PIGK: variants seen among roughly 807,000 people sequenced by gnomAD.
PIGK encodes phosphatidylinositol glycan anchor biosynthesis class K.
PIGK carries 42 observed loss-of-function variants against 50.6 expected under a neutral mutation model. The ratio of observed to expected loss-of-function variants is 0.83; its 90% CI spans 0.65 to 1.07. The LOEUF (loss-of-function observed/expected upper bound fraction) is 1.07. PIGK is among the 50% of genes least tolerant of loss of function. The pLI, the probability that PIGK is intolerant of heterozygous loss-of-function variation, is 0.00. For synonymous variants in PIGK, 151 were observed against 156.0 expected (o/e 0.97, Z 0.24); for missense variants, 448 against 488.7 (o/e 0.92, Z 0.78).
intron 3 of PIGK, among the ~76,000 whole-genome samples, chr1:77,185,537 C>T (rs1054184401): frequency 6.6e-6 from 1 of 152,194 alleles, no homozygotes; most frequent in African/African-American, 2.4e-5. Flanking sequence ...TTGGCCCCTC[C>T]TACCACCAAG....
At chr1:77,201,935 G>C (rs1168981676) in intron 3 of PIGK, among the ~76,000 whole-genome samples, 2 of 151,874 alleles carry the variant, frequency 1.3e-5, no homozygotes, top group East Asian at 3.9e-4. Flanking sequence ...GTGCGCACCT[G>C]TAGTTCCAGC....
intron 9 of PIGK, among the ~76,000 whole-genome samples, chr1:77,134,195 C>T (rs1012550954): frequency 6.6e-6 from 1 of 152,162 alleles, no homozygotes; most frequent in African/African-American, 2.4e-5. Flanking sequence ...AGCAAGTGTA[C>T]CCAAGAGAAA....
chr1:77,219,194 C>A (rs180777746), intron 1 of PIGK, 116 bp downstream of exon 1: 3 of 780,498 alleles, frequency 3.8e-6, no homozygotes, highest in East Asian at 5.4e-5. Flanking sequence ...TCAAACCCAG[C>A]CTGGGTCAGG....
At chr1:77,197,587 A>G (rs1656064977) in intron 3 of PIGK, among the ~76,000 whole-genome samples, 1 of 152,190 alleles carries the variant, frequency 6.6e-6, no homozygotes. Context: ...CTCGTCACAT[A>G]TATGCTTTGT....
chr1:77,193,129 G>A (rs888083655), intron 3 of PIGK, among the ~76,000 whole-genome samples: 3 of 152,044 alleles, frequency 2.0e-5, no homozygotes, highest in Admixed American at 1.3e-4. Context: ...TCCTCCAAAG[G>A]AAGCAAATTC....
intron 3 of PIGK, among the ~76,000 whole-genome samples, chr1:77,172,481 T>C (rs1449081745): frequency 6.6e-6 from 1 of 152,200 alleles, no homozygotes. Context: ...ATTAGTGAAT[T>C]GACAGCAACT....
intron 9 of PIGK, among the ~76,000 whole-genome samples, chr1:77,149,032 C>G (rs920048968): frequency 3.3e-5 from 5 of 152,032 alleles, no homozygotes; most frequent in Admixed American, 2.6e-4. Flanking sequence ...TTTTAAATAA[C>G]TTATTAGAAC....
In PIGK at chr1:77,210,434, AC is replaced by A; in HGVS notation, c.147+1del. The A allele has an allele frequency of 6.3e-7, 1 of 1,583,650 alleles. No individual in the cohort carries two copies. The highest frequency in any genetic ancestry group is 8.6e-7 in the Non-Finnish European group (1 of 1,158,592). Reference sequence around the variant, plus strand: ...CAAGGTATACTTTTACAGTATACTTACCAGAACAGCCCAGTTGTTTGTATGG... The same window carrying A: ...CAAGGTATACTTTTACAGTATACTTACAGAACAGCCCAGTTGTTTGTATGG... On this transcript the variant is annotated splice_donor_variant, in intron 2 of 10. Transcript: ENST00000370812. LOFTEE classifies it high-confidence loss of function.
At chr1:77,093,035 C>G (rs1371380540) in intron 10 of PIGK, among the ~76,000 whole-genome samples, 1 of 151,896 alleles carries the variant, frequency 6.6e-6, no homozygotes, top group African/African-American at 2.4e-5. Context: ...ATGTTTTTCC[C>G]TTGAGGTAGA....
chr1:77,210,287 G>T (rs1656386354), intron 2 of PIGK, 149 bp downstream of exon 2: 1 of 491,882 alleles, frequency 2.0e-6, no homozygotes, highest in Non-Finnish European at 3.6e-6. Flanking sequence ...AGTTGATGTG[G>T]TCAATTTAAA....
At chr1:77,215,096 G>A (rs939932631) in intron 1 of PIGK, among the ~76,000 whole-genome samples, 3 of 152,206 alleles carry the variant, frequency 2.0e-5, no homozygotes, top group African/African-American at 7.2e-5. Flanking sequence ...ACAGTTCAAT[G>A]CAATCTCTAT....
intron 9 of PIGK, among the ~76,000 whole-genome samples, chr1:77,134,954 A>G (rs1217784442): frequency 6.6e-6 from 1 of 152,138 alleles, no homozygotes; most frequent in Non-Finnish European, 1.5e-5. Context: ...ACTCATGATT[A>G]TAACTATTAC....
At chr1:77,095,846 A>G (rs1209293979) in intron 10 of PIGK, among the ~76,000 whole-genome samples, 1 of 152,120 alleles carries the variant, frequency 6.6e-6, no homozygotes, top group Non-Finnish European at 1.5e-5. Flanking sequence ...CCTCAGATAC[A>G]GATTTGAGAA....
chr1:77,147,501 A>G (rs1654798085), intron 9 of PIGK, among the ~76,000 whole-genome samples: 2 of 152,226 alleles, frequency 1.3e-5, no homozygotes, highest in Non-Finnish European at 2.9e-5. Flanking sequence ...GTAATTCTAT[A>G]GAATTTAGAC....
chr1:77,123,474 T>C (rs554471539), intron 9 of PIGK, among the ~76,000 whole-genome samples: 11 of 152,164 alleles, frequency 7.2e-5, no homozygotes, highest in African/African-American at 2.6e-4. Context: ...ACCTCTTATC[T>C]AGGTAAAAGT....
chr1:77,187,935 T>G (rs1170223113), intron 3 of PIGK, among the ~76,000 whole-genome samples: 1 of 152,220 alleles, frequency 6.6e-6, no homozygotes, highest in African/African-American at 2.4e-5. Flanking sequence ...AAACATAAAT[T>G]GTAAAGATTT....
At chr1:77,135,207 A>G (rs1422203612) in intron 9 of PIGK, among the ~76,000 whole-genome samples, 1 of 152,132 alleles carries the variant, frequency 6.6e-6, no homozygotes. Context: ...GAAATATTCC[A>G]TTATAATGAT....
intron 3 of PIGK, among the ~76,000 whole-genome samples, chr1:77,176,311 G>A (rs565560672): frequency 7.9e-5 from 12 of 152,106 alleles, no homozygotes; most frequent in African/African-American, 2.9e-4. Flanking sequence ...CCAAAAGACA[G>A]GTAAACAGGA....
chr1:77,201,577 T>C (rs1366870739), intron 3 of PIGK, among the ~76,000 whole-genome samples: 1 of 151,920 alleles, frequency 6.6e-6, no homozygotes, highest in Non-Finnish European at 1.5e-5. Context: ...CTGGCCAACG[T>C]GGCAAAACCT....
Sources: allele counts gnomAD v4.1 joint callset (sites outside exome capture counted in the v4.1 genomes callset), GRCh38; gene constraint gnomAD v4.1.1; transcripts MANE v1.5; gene names NCBI Gene and HGNC (gene_info 2026-07-23, HGNC 2026-07-21).